The following PRMT3 variants were observed in gnomAD, a reference collection of about 807,000 sequenced individuals.
The protein encoded by PRMT3 is protein arginine methyltransferase 3.
A neutral mutation model predicts 71.9 loss-of-function variants in PRMT3; 62 were observed. The observed-to-expected ratio is 0.86, with a 90% CI of 0.70 to 1.07. The LOEUF is 1.07. PRMT3 is among the 50% of genes least tolerant of loss of function. PRMT3 has a pLI of 0.00. For missense variants in PRMT3, 663 were observed against 643.0 expected, an observed-to-expected ratio of 1.03 and a Z score of -0.34; for synonymous variants, 213 against 220.4, an observed-to-expected ratio of 0.97 and a Z score of 0.30.
intron 11 of PRMT3, among the ~76,000 whole-genome samples, chr11:20,457,680 T>C (rs191043719): frequency 1.0e-3 from 153 of 152,352 alleles, no homozygotes; most frequent in Non-Finnish European, 4.6e-4. Flanking sequence ...AATTTAAGCA[T>C]TGTGGTATTA....
intron 11 of PRMT3, among the ~76,000 whole-genome samples, chr11:20,457,853 AGTTT>A (rs1244383328): frequency 1.3e-5 from 2 of 152,132 alleles, no homozygotes; most frequent in African/African-American, 2.4e-5. Context: ...CACATTTATT[AGTTT>A]GAGTTTGTTC....
intron 13 of PRMT3, among the ~76,000 whole-genome samples, chr11:20,490,160 C>T (rs1441126203): frequency 6.6e-6 from 1 of 151,676 alleles, no homozygotes; most frequent in Non-Finnish European, 1.5e-5. Flanking sequence ...TAGGTGAATT[C>T]CTTCCTAACT....
At chr11:20,465,377 AT>A (rs1850488456) in intron 13 of PRMT3, among the ~76,000 whole-genome samples, 1 of 152,008 alleles carries the variant, frequency 6.6e-6, no homozygotes, top group African/African-American at 2.4e-5. Context: ...TTTTAAAAAT[AT>A]ATGGTTTTTA....
intron 13 of PRMT3, among the ~76,000 whole-genome samples, chr11:20,465,951 C>T (rs1850501718): frequency 6.6e-6 from 1 of 152,006 alleles, no homozygotes; most frequent in Non-Finnish European, 1.5e-5. Context: ...GATCAATCAT[C>T]TATAAAGGAA....
intron 7 of PRMT3, 68 bp downstream of exon 7, chr11:20,397,789 T>C: frequency 6.5e-7 from 1 of 1,545,886 alleles, no homozygotes; most frequent in Admixed American, 1.9e-5. Context: ...TTTCTTAATA[T>C]ATGTGTGCAC....
chr11:20,467,689 C>A (rs1485829134), intron 13 of PRMT3, among the ~76,000 whole-genome samples: 2 of 152,148 alleles, frequency 1.3e-5, no homozygotes, highest in Non-Finnish European at 2.9e-5. Flanking sequence ...CTCTTTGCAG[C>A]AGATAGGAAG....
intron 13 of PRMT3, among the ~76,000 whole-genome samples, chr11:20,478,399 G>A (rs1283404278): frequency 6.6e-6 from 1 of 152,016 alleles, no homozygotes; most frequent in East Asian, 1.9e-4. Flanking sequence ...GTGAAGTAAA[G>A]GTAAATTTCA....
At chr11:20,496,617 C>G (rs1401968873) in intron 15 of PRMT3, among the ~76,000 whole-genome samples, 4 of 118,790 alleles carry the variant, frequency 3.4e-5, no homozygotes, top group Non-Finnish European at 6.4e-5. Flanking sequence ...CAGGCTACAA[C>G]TGGGGTGGGG....
At chr11:20,410,404 G>A (rs562125767) in intron 9 of PRMT3, among the ~76,000 whole-genome samples, 2 of 152,068 alleles carry the variant, frequency 1.3e-5, no homozygotes, top group African/African-American at 4.8e-5. Flanking sequence ...TTGGAGGAAC[G>A]AGACACTGGA....
At chr11:20,479,542 G>A (rs1164382582) in intron 13 of PRMT3, among the ~76,000 whole-genome samples, 7 of 152,116 alleles carry the variant, frequency 4.6e-5, no homozygotes, top group African/African-American at 9.7e-5. Context: ...TTTTACAGAC[G>A]CAAACTGAAT....
intron 6 of PRMT3, among the ~76,000 whole-genome samples, chr11:20,396,294 ATCT>A (rs764272724): frequency 3.3e-5 from 5 of 152,132 alleles, no homozygotes; most frequent in Non-Finnish European, 7.4e-5. Flanking sequence ...GGAAGGATTA[ATCT>A]TTTTGAGGTT....
intron 13 of PRMT3, among the ~76,000 whole-genome samples, chr11:20,467,607 T>A (rs1850542437): frequency 1.4e-5 from 1 of 70,532 alleles, no homozygotes; most frequent in Non-Finnish European, 2.9e-5. Flanking sequence ...AGAATATGTA[T>A]AATCAGAATT....
intron 15 of PRMT3, among the ~76,000 whole-genome samples, chr11:20,496,138 A>G (rs539200752): frequency 3.3e-5 from 5 of 152,356 alleles, no homozygotes; most frequent in African/African-American, 7.2e-5. Flanking sequence ...AGCATGTTTT[A>G]TAGAAGGGAA....
chr11:20,430,614 A>G (rs1462410353), intron 10 of PRMT3, among the ~76,000 whole-genome samples: 1 of 152,060 alleles, frequency 6.6e-6, no homozygotes, highest in Non-Finnish European at 1.5e-5. Flanking sequence ...TTTATTTTAT[A>G]TATTTAAGGT....
chr11:20,485,700 A>G (rs754183478), intron 13 of PRMT3, among the ~76,000 whole-genome samples: 8 of 152,170 alleles, frequency 5.3e-5, no homozygotes, highest in African/African-American at 1.2e-4. Context: ...TAGATACAAG[A>G]AAAGGTCTAA....
At chr11:20,477,333 T>C (rs558674271) in intron 13 of PRMT3, among the ~76,000 whole-genome samples, 6 of 152,192 alleles carry the variant, frequency 3.9e-5, no homozygotes, top group African/African-American at 9.6e-5. Context: ...CCCAGCACTT[T>C]TGGAGGCTGA....
At chr11:20,422,094 C>A (rs1849439607) in intron 9 of PRMT3, among the ~76,000 whole-genome samples, 1 of 152,148 alleles carries the variant, frequency 6.6e-6, no homozygotes, top group South Asian at 2.1e-4. Flanking sequence ...AGTTGTCATA[C>A]CACCTGGAAG....
At chr11:20,398,742 C>G (rs182464862) in intron 7 of PRMT3, among the ~76,000 whole-genome samples, 23 of 152,302 alleles carry the variant, frequency 1.5e-4, no homozygotes, top group African/African-American at 5.1e-4. Flanking sequence ...CTACAGTATT[C>G]AGTACAGTGA....
At position 20,452,125 on chromosome 11, in the gene PRMT3, T is replaced by C; in HGVS notation, c.994-5T>C. On this transcript the variant is annotated splice_polypyrimidine_tract_variant and splice_region_variant and intron_variant, in intron 10 of 15. Transcript: ENST00000331079. Reference sequence around the variant, plus strand: ...AAACTCTTTTTTTCCCCTTTTTTTATGCAGGGCTATTTTCTTCTGTTTGAG... The same window carrying C: ...AAACTCTTTTTTTCCCCTTTTTTTACGCAGGGCTATTTTCTTCTGTTTGAG... The C allele has an allele frequency of 6.3e-7, 1 of 1,593,676 alleles. No individual in the cohort carries two copies. The highest frequency in any genetic ancestry group is 8.6e-7 in the Non-Finnish European group (1 of 1,162,890).
Sources: allele counts gnomAD v4.1 joint callset (sites outside exome capture counted in the v4.1 genomes callset), GRCh38; gene constraint gnomAD v4.1.1; transcripts MANE v1.5; gene names NCBI Gene and HGNC (gene_info 2026-07-23, HGNC 2026-07-21).